CDH4: variants seen among roughly 807,000 people sequenced by gnomAD.
CDH4 encodes the protein cadherin 4, also known as cadherin-4.
CDH4 carries 33 observed loss-of-function variants against 86.0 expected under a neutral mutation model. The ratio of observed to expected loss-of-function variants is 0.38; its 90% CI spans 0.29 to 0.51. The LOEUF (loss-of-function observed/expected upper bound fraction) is 0.51. Among genes scored for constraint, CDH4 ranks in the 20% least tolerant of loss-of-function variants. The pLI, the probability that CDH4 is intolerant of heterozygous loss-of-function variation, is 0.86. For synonymous variants in CDH4, 555 were observed against 549.4 expected, an observed-to-expected ratio of 1.01 and a Z score of -0.14; for missense variants, 1,114 against 1,307.4, an observed-to-expected ratio of 0.85 and a Z score of 2.28.
chr20:61,547,767 T>TA (rs1234199042), intron 2 of CDH4, among the ~76,000 whole-genome samples: 1 of 152,198 alleles, frequency 6.6e-6, no homozygotes, highest in East Asian at 1.9e-4. Context: ...TGTTGCCACT[T>TA]AGGTGTTCAC....
At chr20:61,795,704 C>T (rs1257576993) in intron 4 of CDH4, among the ~76,000 whole-genome samples, 2 of 152,132 alleles carry the variant, frequency 1.3e-5, no homozygotes, top group African/African-American at 4.8e-5. Flanking sequence ...ATACCAGAGG[C>T]GGGGCCAGGA....
intron 3 of CDH4, among the ~76,000 whole-genome samples, chr20:61,768,204 GACACACAAAC>G: frequency 6.6e-6 from 1 of 152,160 alleles, no homozygotes; most frequent in East Asian, 1.9e-4. Context: ...CACACACACA[GACACACAAAC>G]ACACATAAGC....
intron 4 of CDH4, among the ~76,000 whole-genome samples, chr20:61,787,186 C>G (rs1049223428): frequency 1.3e-5 from 2 of 152,044 alleles, no homozygotes; most frequent in East Asian, 1.9e-4. Context: ...ATTCACTAAG[C>G]CTTTCCATGT....
At chr20:61,738,335 C>T (rs1255071573) in intron 2 of CDH4, 2 of 152,168 alleles carry the variant, frequency 1.3e-5, no homozygotes, top group East Asian at 3.9e-4. Context: ...GTACCAGGCA[C>T]CAGGCAGTCC....
intron 3 of CDH4, among the ~76,000 whole-genome samples, chr20:61,769,558 C>A (rs561126356): frequency 1.3e-5 from 2 of 152,344 alleles, no homozygotes; most frequent in African/African-American, 4.8e-5. Context: ...AGAGGTGGCA[C>A]TTTCAGGTGC....
intron 2 of CDH4, among the ~76,000 whole-genome samples, chr20:61,486,545 G>T (rs1459138135): frequency 2.6e-5 from 4 of 152,206 alleles, no homozygotes; most frequent in African/African-American, 9.7e-5. Context: ...AACCATCGTT[G>T]GAAATAAAAC....
At chr20:61,455,251 G>A (rs1319983628) in intron 2 of CDH4, among the ~76,000 whole-genome samples, 2 of 152,210 alleles carry the variant, frequency 1.3e-5, no homozygotes, top group African/African-American at 4.8e-5. Context: ...GCTTGGTGAT[G>A]TTCAATATGT....
At chr20:61,280,676 A>C (rs912563522) in intron 2 of CDH4, among the ~76,000 whole-genome samples, 3 of 152,250 alleles carry the variant, frequency 2.0e-5, no homozygotes, top group African/African-American at 7.2e-5. Flanking sequence ...GCCAATTAAA[A>C]TAAAAGCAGA....
intron 2 of CDH4, among the ~76,000 whole-genome samples, chr20:61,567,244 A>G (rs970781974): frequency 6.6e-6 from 1 of 152,200 alleles, no homozygotes; most frequent in Non-Finnish European, 1.5e-5. Flanking sequence ...AAGCTCTTCT[A>G]GCTGGGGACG....
At chr20:61,728,060 A>C (rs1308986719) in intron 2 of CDH4, among the ~76,000 whole-genome samples, 3 of 152,204 alleles carry the variant, frequency 2.0e-5, no homozygotes, top group Admixed American at 2.0e-4. Context: ...GGGCCACCTC[A>C]GTGAGTGAGA....
At chr20:61,624,113 G>A (rs111340981) in intron 2 of CDH4, among the ~76,000 whole-genome samples, 33 of 152,290 alleles carry the variant, frequency 2.2e-4, no homozygotes, top group African/African-American at 7.9e-4. Context: ...AGTGAGCACG[G>A]TTCACAGCTC....
rs117142556 is a variant in CDH4 at position 61,560,081 on chromosome 20, C to T, written c.170-183482C>T. Among the ~76,000 whole-genome samples, 772 of 152,294 alleles carry T rather than the reference C, an allele frequency of 5.1e-3. 9 individuals are homozygous for T. The highest frequency in any genetic ancestry group is 0.017 in the Middle Eastern group (5 of 294). ...CATAGAGGAGATCGACCCTGCCACT[C>T]GAACTTCGGAGTCGCTTGTTTGCTC... On this transcript the variant is annotated intron_variant, in intron 2 of 15. Transcript: ENST00000614565.
intron 1 of CDH4, 83 bp from the exon 2 acceptor site, chr20:61,254,743 T>C (rs1053620053): frequency 5.4e-6 from 5 of 919,702 alleles, no homozygotes; most frequent in Non-Finnish European, 9.0e-6. Context: ...AGAGACCTTT[T>C]ACACAGCAGG....
At chr20:61,904,650 C>T (rs563527787) in intron 8 of CDH4, among the ~76,000 whole-genome samples, 1 of 152,328 alleles carries the variant, frequency 6.6e-6, no homozygotes, top group East Asian at 1.9e-4. Context: ...CCCACAGCCT[C>T]CTGAAGAACG....
intron 2 of CDH4, among the ~76,000 whole-genome samples, chr20:61,349,037 G>A (rs140673784): frequency 4.9e-4 from 75 of 152,352 alleles, no homozygotes; most frequent in African/African-American, 1.6e-3. Flanking sequence ...GTTCCTTTAT[G>A]TAGTTAGCTT....
At chr20:61,385,703 G>A (rs890531011) in intron 2 of CDH4, among the ~76,000 whole-genome samples, 3 of 152,016 alleles carry the variant, frequency 2.0e-5, no homozygotes, top group Non-Finnish European at 2.9e-5. Context: ...TTCTCCACAC[G>A]CCAGGTTCCC....
At chr20:61,666,362 G>A (rs771507695) in intron 2 of CDH4, among the ~76,000 whole-genome samples, 11 of 152,200 alleles carry the variant, frequency 7.2e-5, no homozygotes, top group South Asian at 2.1e-4. Context: ...AGCTGCTGCC[G>A]GCACAGCCAG....
intron 2 of CDH4, among the ~76,000 whole-genome samples, chr20:61,619,455 AC>A (rs999452332): frequency 2.6e-5 from 4 of 152,128 alleles, no homozygotes; most frequent in Non-Finnish European, 4.4e-5. Context: ...CCTAAACTAT[AC>A]CTAAAAGCAA....
At chr20:61,285,650 C>T (rs2084289546) in intron 2 of CDH4, among the ~76,000 whole-genome samples, 1 of 152,230 alleles carries the variant, frequency 6.6e-6, no homozygotes, top group African/African-American at 2.4e-5. Context: ...ATAGTGTATT[C>T]AGTTTTCAAT....
Sources: allele counts gnomAD v4.1 joint callset (sites outside exome capture counted in the v4.1 genomes callset), GRCh38; gene constraint gnomAD v4.1.1; transcripts MANE v1.5; gene names NCBI Gene and HGNC (gene_info 2026-07-23, HGNC 2026-07-21).